DCDC1: variants seen among roughly 807,000 people sequenced by gnomAD.
The protein encoded by DCDC1 is doublecortin domain-containing protein 1.
DCDC1 carries 200 observed loss-of-function variants against 178.3 expected under a neutral mutation model. The ratio of observed to expected loss-of-function variants is 1.12; its 90% CI spans 1.00 to 1.26. The LOEUF (loss-of-function observed/expected upper bound fraction) is 1.26. Among genes scored for constraint, DCDC1 ranks in the 50% most tolerant of loss-of-function variants. The pLI is 0.00. For missense variants in DCDC1, 1,983 were observed against 1,749.2 expected (o/e 1.13, Z -2.38); for synonymous variants, 690 against 604.8 (o/e 1.14, Z -2.07).
chr11:31,155,558 A>C (rs917092506), intron 9 of DCDC1, among the ~76,000 whole-genome samples: 9 of 152,236 alleles, frequency 5.9e-5, no homozygotes, highest in African/African-American at 1.9e-4. Context: ...TATTTATTGA[A>C]TACTCATTAT....
At chr11:30,959,276 A>T (rs914016870) in intron 20 of DCDC1, among the ~76,000 whole-genome samples, 1 of 152,142 alleles carries the variant, frequency 6.6e-6, no homozygotes, top group Non-Finnish European at 1.5e-5. Context: ...TTATTCTCCT[A>T]TAAGATAGGG....
At chr11:31,322,849 ATT>A (rs1949440132) in intron 3 of DCDC1, among the ~76,000 whole-genome samples, 1 of 152,210 alleles carries the variant, frequency 6.6e-6, no homozygotes, top group Admixed American at 6.5e-5. Context: ...TTTCAGTTGA[ATT>A]TTGTTACTTT....
At chr11:31,338,999 C>T (rs1314313776) in intron 1 of DCDC1, among the ~76,000 whole-genome samples, 2 of 152,096 alleles carry the variant, frequency 1.3e-5, no homozygotes, top group Non-Finnish European at 1.5e-5. Context: ...CTTTTCTTAA[C>T]ATCTTGTACA....
intron 7 of DCDC1, among the ~76,000 whole-genome samples, chr11:31,282,994 T>G (rs919205677): frequency 1.3e-5 from 2 of 152,302 alleles, no homozygotes; most frequent in African/African-American, 2.4e-5. Flanking sequence ...TTTCCTCCCC[T>G]CTGGTTGCTT....
In DCDC1 at chr11:30,881,105, T is replaced by C. The variant is rs574369234; in HGVS notation, c.5233+53A>G. On this transcript the variant is annotated intron_variant, in intron 37 of 38. Coordinates refer to ENST00000684477, the MANE Select transcript of DCDC1 (RefSeq NM_001387274.1). ...GGATATAAGCTCTTCCAAGAGAAGA[T>C]TGAATGCTTTAATTCTTCAAAGACT... 163 of 1,593,924 alleles carry C rather than the reference T, an allele frequency of 1.0e-4. 1 individual carries two copies. In the African/African-American group the frequency reaches 1.4e-3, roughly 14 times the overall value.
intron 9 of DCDC1, among the ~76,000 whole-genome samples, chr11:31,167,449 T>C (rs964758718): frequency 6.6e-6 from 1 of 152,110 alleles, no homozygotes; most frequent in Non-Finnish European, 1.5e-5. Context: ...ATTTTACTAG[T>C]CAGCAAGCCT....
chr11:30,888,766 TTC>T, intron 36 of DCDC1, among the ~76,000 whole-genome samples: 1 of 152,312 alleles, frequency 6.6e-6, no homozygotes, highest in South Asian at 2.1e-4. Flanking sequence ...ACATTCTTAA[TTC>T]TGTTTTTCAA....
At position 31,285,273 on chromosome 11, in the gene DCDC1, CT is replaced by C. The variant is rs547691173; in HGVS notation, c.960+5373del. 1.2e-3 allele frequency among the ~76,000 whole-genome samples: 180 copies of C among 152,050 alleles called. 1 individual carries two copies. The highest frequency in any genetic ancestry group is 4.2e-3 in the African/African-American group (175 of 41,520). Reference sequence around the variant, plus strand: ...TTTGTGTTTTTAATCAGATATTAATCTCTGATTTAAAAAACTAGCCTAATTT... The same window carrying C: ...TTTGTGTTTTTAATCAGATATTAATCCTGATTTAAAAAACTAGCCTAATTT... On this transcript the variant is annotated intron_variant, in intron 7 of 38. Coordinates refer to ENST00000684477, the MANE Select transcript of DCDC1 (RefSeq NM_001387274.1).
At chr11:31,011,509 A>T (rs1952164067) in intron 20 of DCDC1, among the ~76,000 whole-genome samples, 2 of 152,236 alleles carry the variant, frequency 1.3e-5, no homozygotes, top group African/African-American at 4.8e-5. Context: ...CTGTGAAAAG[A>T]TGCTCTGCTT....
chr11:31,128,099 A>C (rs1159071281), intron 10 of DCDC1, among the ~76,000 whole-genome samples: 2 of 151,956 alleles, frequency 1.3e-5, no homozygotes, highest in Non-Finnish European at 2.9e-5. Context: ...ATATATATTA[A>C]ATTCATTATC....
chr11:31,265,957 G>A (rs1458667357), intron 7 of DCDC1, among the ~76,000 whole-genome samples: 1 of 149,140 alleles, frequency 6.7e-6, no homozygotes, highest in Admixed American at 6.7e-5. Context: ...TTAATAAATG[G>A]TAGACCTTTA....
intron 18 of DCDC1, among the ~76,000 whole-genome samples, chr11:31,069,782 C>T (rs1956446533): frequency 1.3e-5 from 2 of 152,152 alleles, no homozygotes; most frequent in South Asian, 4.2e-4. Context: ...TTCTGAGGTA[C>T]ATTCCCCTAA....
chr11:31,113,000 G>A (rs1293343583), intron 11 of DCDC1, among the ~76,000 whole-genome samples: 1 of 152,142 alleles, frequency 6.6e-6, no homozygotes. Flanking sequence ...CAACAAATGA[G>A]TAAATCATAT....
chr11:31,061,952 G>A (rs1338548441), intron 20 of DCDC1, among the ~76,000 whole-genome samples: 3 of 152,034 alleles, frequency 2.0e-5, no homozygotes, highest in Non-Finnish European at 4.4e-5. Flanking sequence ...GCAGTCATCA[G>A]ATTGCATTGC....
At chr11:30,873,358 T>TAG (rs1185841948) in intron 38 of DCDC1, among the ~76,000 whole-genome samples, 2,635 of 138,002 alleles carry the variant, frequency 0.019, 24 homozygotes, top group Non-Finnish European at 0.029. Flanking sequence ...TATATATATA[T>TAG]ATATATAGAG....
At chr11:31,087,171 T>C (rs531894148) in intron 17 of DCDC1, among the ~76,000 whole-genome samples, 1 of 152,262 alleles carries the variant, frequency 6.6e-6, no homozygotes, top group South Asian at 2.1e-4. Context: ...GGCACATGGT[T>C]GTTCAAAATA....
At chr11:31,051,778 G>C (rs1220674461) in intron 20 of DCDC1, among the ~76,000 whole-genome samples, 1 of 152,126 alleles carries the variant, frequency 6.6e-6, no homozygotes. Flanking sequence ...CAAATGGTGA[G>C]AGAATTCGCC....
At chr11:31,051,119 A>T (rs1262332467) in intron 20 of DCDC1, among the ~76,000 whole-genome samples, 1 of 152,210 alleles carries the variant, frequency 6.6e-6, no homozygotes, top group Non-Finnish European at 1.5e-5. Context: ...TCATGGAAAT[A>T]GATAGCTTAA....
intron 14 of DCDC1, among the ~76,000 whole-genome samples, chr11:31,102,939 C>G (rs1447431823): frequency 2.6e-5 from 4 of 152,122 alleles, no homozygotes; most frequent in Non-Finnish European, 5.9e-5. Flanking sequence ...AGCTGTGTGA[C>G]TTTGGACAAA....
Sources: gnomAD v4.1 joint callset for allele counts (sites outside exome capture counted in the v4.1 genomes callset) on GRCh38, gnomAD v4.1.1 for gene constraint, MANE v1.5 for transcripts, NCBI Gene and HGNC (gene_info 2026-07-23, HGNC 2026-07-21) for gene names.